ZDHHC3: variants seen among roughly 807,000 people sequenced by gnomAD.
The protein encoded by ZDHHC3 is zDHHC palmitoyltransferase 3.
In ZDHHC3, 9 loss-of-function variants were observed where a neutral mutation model predicts 30.6. That is an observed-to-expected ratio of 0.29 (90% CI 0.18 to 0.51). The LOEUF (loss-of-function observed/expected upper bound fraction) is 0.51. Among genes scored for constraint, ZDHHC3 ranks in the 20% least tolerant of loss-of-function variants. The pLI is 0.97. For synonymous variants in ZDHHC3, 136 were observed against 140.2 expected (o/e 0.97, Z 0.21); for missense variants, 246 against 384.2 (o/e 0.64, Z 3.01).
Position 44,918,372 on chromosome 3 carries a change from A to C in ZDHHC3, c.*8317T>G. 1 of 985,330 alleles carries C rather than the reference A, an allele frequency of 1.0e-6. No homozygotes were observed. 61.0% of individuals were successfully genotyped at this position (985,330 alleles called of 1,614,324 possible). On this transcript the variant is annotated 3_prime_UTR_variant, in exon 7 of 7. Transcript: ENST00000424952. ...GACAGCAGCGTGGAGGAACACAGCA[A>C]GCAGGGCCCGCCTGGTGGACTGACG...
chr3:44,923,665 TG>T lies in ZDHHC3; in HGVS notation c.*3023del. On this transcript the variant is annotated 3_prime_UTR_variant, in exon 7 of 7. Coordinates refer to ENST00000424952, the MANE Select transcript of ZDHHC3 (RefSeq NM_001135179.2). ...AAAAAACAAAAAAATTAGCCAGGCATGGTAGTACGTGCCTGTAGCCCTGGAT... is the reference window on the plus strand; with the variant it reads ...AAAAAACAAAAAAATTAGCCAGGCATGTAGTACGTGCCTGTAGCCCTGGAT... 1 of 749,188 alleles carries T rather than the reference TG, an allele frequency of 1.3e-6. No individual in the cohort carries two copies. Among genetic ancestry groups the T allele is most frequent in the Non-Finnish European group, 1.6e-6 (1 of 614,684 alleles). 46.4% of individuals were successfully genotyped at this position (749,188 alleles called of 1,614,324 possible).
chr3:44,921,502 C>T lies in ZDHHC3; in HGVS notation c.*5187G>A. ...TAAGCTTCATAAAACAATACTTATC[C>T]TGCAATATGTAATGCATTAAACATT... On this transcript the variant is annotated 3_prime_UTR_variant, in exon 7 of 7. Coordinates refer to ENST00000424952, the MANE Select transcript of ZDHHC3 (RefSeq NM_001135179.2). 1 of 985,398 alleles carries T rather than the reference C, an allele frequency of 1.0e-6. No homozygotes were observed. Among genetic ancestry groups the T allele is most frequent in the East Asian group, 1.1e-4 (1 of 8,816 alleles). The allele number at this position is 985,398 out of a possible 1,614,324, so 61.0% of individuals were successfully genotyped here.
At chr3:44,954,213 G>T (rs544135232) in intron 2 of ZDHHC3, among the ~76,000 whole-genome samples, 225 of 152,254 alleles carry the variant, frequency 1.5e-3, no homozygotes, top group Admixed American at 2.9e-3. Context: ...GGGTCGGGGT[G>T]GGGGAGCAGG....
rs1345496474 is a variant in ZDHHC3, at chr3:44,917,594, G to A, written c.*9095C>T. On this transcript the variant is annotated 3_prime_UTR_variant, in exon 7 of 7. Coordinates refer to ENST00000424952, the MANE Select transcript of ZDHHC3 (RefSeq NM_001135179.2). ...TCAAAAGCTCCCTTTGCTGGGCGGA[G>A]AATGTGAAAGCCACCCAGTCTTGGA... is the stretch of plus-strand genomic sequence containing the variant. The A allele has an allele frequency of 3.8e-6, 1 of 263,160 alleles. No individual in the cohort carries two copies. Among genetic ancestry groups the A allele is most frequent in the East Asian group, 9.7e-5 (1 of 10,350 alleles). The allele number at this position is 263,160 out of a possible 1,614,324, so 16.3% of individuals were successfully genotyped here.
chr3:44,926,677 G>A lies in ZDHHC3; in HGVS notation c.*12C>T, dbSNP rs370546440. ...GGACTTGTGTCTGAGTGGCCATGCC[G>A]GTCGGGGTCCTTCAGACCACATACT... On this transcript the variant is annotated 3_prime_UTR_variant, in exon 7 of 7. Transcript: ENST00000424952. The A allele has an allele frequency of 4.4e-6, 7 of 1,582,496 alleles. No homozygotes were observed. The highest frequency in any genetic ancestry group is 2.3e-5 in the East Asian group (1 of 44,320).
At chr3:44,934,224 C>T (rs547616455) in intron 3 of ZDHHC3, among the ~76,000 whole-genome samples, 12 of 152,254 alleles carry the variant, frequency 7.9e-5, no homozygotes, top group Non-Finnish European at 1.0e-4. Context: ...TTAACACATA[C>T]ATAGGACGGA....
chr3:44,921,360 CA>C lies in ZDHHC3; in HGVS notation c.*5328del. ...AGCAGCCTATGCAAATGTGTCTCTT[CA>C]TAGCGGGCCAGATAACACTGTCTCT... On this transcript the variant is annotated 3_prime_UTR_variant, in exon 7 of 7. Transcript: ENST00000424952. 2.0e-6 allele frequency: 2 copies of C among 985,168 alleles called. No individual in the cohort carries two copies. Among genetic ancestry groups the C allele is most frequent in the Non-Finnish European group, 2.4e-6 (2 of 829,844 alleles). 61.0% of individuals were successfully genotyped at this position (985,168 alleles called of 1,614,324 possible).
At chr3:44,962,926 T>C (rs917474028) in intron 1 of ZDHHC3, among the ~76,000 whole-genome samples, 21 of 152,208 alleles carry the variant, frequency 1.4e-4, no homozygotes, top group African/African-American at 2.9e-4. Context: ...TTTTGGGTAA[T>C]AGGCCTTCAG....
At chr3:44,946,432 T>C (rs1387033870) in intron 2 of ZDHHC3, among the ~76,000 whole-genome samples, 1 of 152,210 alleles carries the variant, frequency 6.6e-6, no homozygotes, top group Non-Finnish European at 1.5e-5. Context: ...GCCTGCTTGG[T>C]GCTGAGCCCT....
At position 44,921,244 on chromosome 3, in the gene ZDHHC3, TG is replaced by T. The variant is rs1171089551; in HGVS notation, c.*5444del. Reference sequence around the variant, plus strand: ...AGGCTCCCGAGGAAGGAAGAGTCTGTGCAGAACAGACTCAGCTGAGCCCCAC... The same window carrying T: ...AGGCTCCCGAGGAAGGAAGAGTCTGTCAGAACAGACTCAGCTGAGCCCCAC... On this transcript the variant is annotated 3_prime_UTR_variant, in exon 7 of 7. Transcript: ENST00000424952. 27 of 985,242 alleles carry T rather than the reference TG, an allele frequency of 2.7e-5. No individual in the cohort carries two copies. In the African/African-American group the frequency reaches 4.5e-4, roughly 17 times the overall value. The allele number at this position is 985,242 out of a possible 1,614,324, so 61.0% of individuals were successfully genotyped here.
intron 1 of ZDHHC3, among the ~76,000 whole-genome samples, chr3:44,961,934 T>G (rs1232105497): frequency 6.6e-6 from 1 of 152,222 alleles, no homozygotes; most frequent in Non-Finnish European, 1.5e-5. Context: ...GCCCTAGACA[T>G]TTACTCCCTG....
In ZDHHC3 at chr3:44,933,931, T is replaced by C; in HGVS notation, c.485A>G (p.Asn162Ser). The C allele has an allele frequency of 6.2e-7, 1 of 1,614,166 alleles. No homozygotes were observed. The highest frequency in any genetic ancestry group is 8.5e-7 in the Non-Finnish European group (1 of 1,180,028). ...KMDHHCPWVN[N>S]CVGENNQKYF... ...CTTCTGGTTGTTCTCGCCTACACAG[T>C]TGTTGACCCAGGGACAGTGGTGGTC... Residue 162 changes from asparagine (N) to serine (S), a missense_variant, in exon 4 of 7, where the codon AAC (asparagine) becomes AGC (serine). By Grantham distance (46) the Asn-to-Ser change is conservative (BLOSUM62 1). Coordinates refer to ENST00000424952, the MANE Select transcript of ZDHHC3 (RefSeq NM_001135179.2).
intron 1 of ZDHHC3, among the ~76,000 whole-genome samples, chr3:44,961,322 G>A (rs1704462194): frequency 1.3e-5 from 2 of 152,202 alleles, no homozygotes; most frequent in South Asian, 2.1e-4. Flanking sequence ...AACCCAGGAG[G>A]CGGAGCTTGC....
rs1029585066 is a variant in ZDHHC3 at position 44,925,293 on chromosome 3, C to A, written c.*1396G>T. 1.3e-5 allele frequency: 13 copies of A among 985,748 alleles called. No homozygotes were observed. Among genetic ancestry groups the A allele is most frequent in the Non-Finnish European group, 1.4e-5 (12 of 829,946 alleles). 61.1% of individuals were successfully genotyped at this position (985,748 alleles called of 1,614,324 possible). A position where few individuals can be genotyped will look rare whatever the true frequency, so the allele number is the denominator to read the frequency against. On this transcript the variant is annotated 3_prime_UTR_variant, in exon 7 of 7. Transcript: ENST00000424952. ...ATGGCTAGATTAACTTTCGCCCTAC[C>A]CAGGACAGGATTGAATAAACCTTAA...
rs529308663 is a variant in ZDHHC3 at position 44,917,285 on chromosome 3, T to C, written c.*9404A>G. The C allele has an allele frequency of 1.1e-4, 18 of 161,954 alleles. No homozygotes were observed. In the East Asian group the frequency reaches 3.2e-3, roughly 29 times the overall value. 10.0% of individuals were successfully genotyped at this position (161,954 alleles called of 1,614,324 possible). Reference sequence around the variant, plus strand: ...TGCAGGGTCCTCTTTGAACCATGCCTGGCCCTTGCAGGTAGATGTGGCAGC... The same window carrying C: ...TGCAGGGTCCTCTTTGAACCATGCCCGGCCCTTGCAGGTAGATGTGGCAGC... On this transcript the variant is annotated 3_prime_UTR_variant, in exon 7 of 7. Coordinates refer to ENST00000424952, the MANE Select transcript of ZDHHC3 (RefSeq NM_001135179.2).
At chr3:44,950,217 C>T (rs1001074778) in intron 2 of ZDHHC3, among the ~76,000 whole-genome samples, 1 of 152,214 alleles carries the variant, frequency 6.6e-6, no homozygotes, top group African/African-American at 2.4e-5. Flanking sequence ...CTAGAAGTTA[C>T]TATTGTCATG....
In ZDHHC3 at chr3:44,918,582, C is replaced by T; in HGVS notation, c.*8107G>A. 10 of 985,434 alleles carry T rather than the reference C, an allele frequency of 1.0e-5. No homozygotes were observed. The highest frequency in any genetic ancestry group is 1.2e-5 in the Non-Finnish European group (10 of 829,938). 61.0% of individuals were successfully genotyped at this position (985,434 alleles called of 1,614,324 possible). A position where few individuals can be genotyped will look rare whatever the true frequency, so the allele number is the denominator to read the frequency against. On this transcript the variant is annotated 3_prime_UTR_variant, in exon 7 of 7. Coordinates refer to ENST00000424952, the MANE Select transcript of ZDHHC3 (RefSeq NM_001135179.2). ...CCACTCCCACCAGGGTAGATAGGGG[C>T]TGCAAACACAGCAGAAGGACGATGG...
At position 44,920,197 on chromosome 3, in the gene ZDHHC3, T is replaced by G; in HGVS notation, c.*6492A>C. 7.8e-7 allele frequency: 1 copy of G among 1,289,482 alleles called. No homozygotes were observed. The highest frequency in any genetic ancestry group is 1.0e-6 in the Non-Finnish European group (1 of 988,496). The allele number at this position is 1,289,482 out of a possible 1,614,324, so 79.9% of individuals were successfully genotyped here. A position where few individuals can be genotyped will look rare whatever the true frequency, so the allele number is the denominator to read the frequency against. On this transcript the variant is annotated 3_prime_UTR_variant, in exon 7 of 7. Coordinates refer to ENST00000424952, the MANE Select transcript of ZDHHC3 (RefSeq NM_001135179.2). Reference sequence around the variant, plus strand: ...TGACACAAGTCTAAAGGGACCTTCATGTGGGTCATGAGCATGTGATGCCAT... The same window carrying G: ...TGACACAAGTCTAAAGGGACCTTCAGGTGGGTCATGAGCATGTGATGCCAT...
chr3:44,969,976 G>A (rs970804225), intron 1 of ZDHHC3: 5 of 152,204 alleles, frequency 3.3e-5, no homozygotes, highest in African/African-American at 1.2e-4. Flanking sequence ...ATGACACCTG[G>A]GCCCACATTG....
Sources: gnomAD v4.1 joint callset for allele counts (sites outside exome capture counted in the v4.1 genomes callset) on GRCh38, gnomAD v4.1.1 for gene constraint, MANE v1.5 for transcripts, NCBI Gene and HGNC (gene_info 2026-07-23, HGNC 2026-07-21) for gene names.